GABRA4: variants seen among roughly 807,000 people sequenced by gnomAD.
The protein encoded by GABRA4 is gamma-aminobutyric acid type A receptor subunit alpha4, also known as gamma-aminobutyric acid receptor subunit alpha-4.
In GABRA4, 12 loss-of-function variants were observed where a neutral mutation model predicts 49.7. The observed-to-expected ratio is 0.24, with a 90% CI of 0.15 to 0.39. The LOEUF (loss-of-function observed/expected upper bound fraction) is 0.39, where lower values mean the gene tolerates loss of function less well. Among genes scored for constraint, GABRA4 ranks in the 10% least tolerant of loss-of-function variants. The pLI, the probability that GABRA4 is intolerant of heterozygous loss-of-function variation, is 1.00. For missense variants in GABRA4, 506 were observed against 686.0 expected (o/e 0.74, Z 2.93); for synonymous variants, 288 against 240.2 (o/e 1.20, Z -1.84).
At chr4:46,973,729 T>C (rs1723036754) in intron 6 of GABRA4, among the ~76,000 whole-genome samples, 1 of 151,766 alleles carries the variant, frequency 6.6e-6, no homozygotes, top group Non-Finnish European at 1.5e-5. Flanking sequence ...GAATCATAAA[T>C]AATAAACATC....
Position 46,928,553 on chromosome 4 carries a change from G to T in GABRA4, c.1337C>A (p.Ser446Tyr). 6.2e-7 allele frequency: 1 copy of T among 1,613,716 alleles called. No homozygotes were observed. The highest frequency in any genetic ancestry group is 8.5e-7 in the Non-Finnish European group (1 of 1,179,762). The stretch of plus-strand genomic sequence containing the variant: ...AGCAGATGGAAGTGCTCTTGCTGCA[G>T]ATATGGTTTCAGCTGCATTTGCACG... ...FSRANAAETISAARALPSASP... is the reference protein window; with the variant it reads ...FSRANAAETIYAARALPSASP... The change falls in exon 9 of 9, where the codon TCT becomes TAT. Residue 446 changes from serine to tyrosine, a missense_variant. Physicochemically the swap from Ser to Tyr is moderately radical, Grantham distance 144. This residue lies in a region of GABRA4 where 243 missense variants were observed against 210.8 expected (regional missense o/e 1.15). Transcript: ENST00000264318.
chr4:46,970,500 T>C (rs1722912478), intron 7 of GABRA4, among the ~76,000 whole-genome samples: 1 of 151,510 alleles, frequency 6.6e-6, no homozygotes, highest in African/African-American at 2.4e-5. Flanking sequence ...CTTTATATTG[T>C]TCAGAATACT....
rs1722931316 is a variant in GABRA4 at position 46,970,947 on chromosome 4, T to C, written c.874+136A>G. On this transcript the variant is annotated intron_variant, in intron 7 of 8. Coordinates refer to ENST00000264318, the MANE Select transcript of GABRA4 (RefSeq NM_000809.4). ...GCTTTATTACTTTGTACTGGCTAGATAAAAATGAAAGCCATGTGATTCCTT... is the reference window on the plus strand; with the variant it reads ...GCTTTATTACTTTGTACTGGCTAGACAAAAATGAAAGCCATGTGATTCCTT... 3 of 785,288 alleles carry C rather than the reference T, an allele frequency of 3.8e-6. No individual in the cohort carries two copies. In the Admixed American group the frequency reaches 9.0e-5, roughly 24 times the overall value. 48.6% of individuals were successfully genotyped at this position (785,288 alleles called of 1,614,324 possible).
At chr4:46,975,740 A>G (rs1723120300) in intron 5 of GABRA4, among the ~76,000 whole-genome samples, 2 of 151,884 alleles carry the variant, frequency 1.3e-5, no homozygotes, top group Admixed American at 1.3e-4. Context: ...GGGGAGTGAA[A>G]AGGACTTCCT....
In GABRA4 at chr4:46,977,586, T is replaced by C; in HGVS notation, c.318A>G (p.Lys106=). The C allele has an allele frequency of 6.2e-7, 1 of 1,613,086 alleles. No individual in the cohort carries two copies. Among genetic ancestry groups the C allele is most frequent in the Non-Finnish European group, 8.5e-7 (1 of 1,179,414 alleles). ...DVFFRQTWID[K]RLKYDGPIEI... ...CAATGGGGCCGTCATATTTTAATCT[T>C]TTGTCAATCCATGTCTGCCTGAAGA... The change falls in exon 4 of 9, where the codon AAA becomes AAG. Residue 106 remains lysine, a synonymous_variant. Transcript: ENST00000264318.
intron 8 of GABRA4, among the ~76,000 whole-genome samples, chr4:46,932,463 C>T (rs958710758): frequency 6.6e-6 from 1 of 151,904 alleles, no homozygotes; most frequent in Non-Finnish European, 1.5e-5. Flanking sequence ...GTCAAGTACT[C>T]ATAGTAGTAT....
chr4:46,973,937 G>C (rs1723043711), intron 6 of GABRA4, among the ~76,000 whole-genome samples: 1 of 151,704 alleles, frequency 6.6e-6, no homozygotes, highest in Non-Finnish European at 1.5e-5. Flanking sequence ...AACAAGATCA[G>C]ACTTCCTACC....
intron 8 of GABRA4, among the ~76,000 whole-genome samples, chr4:46,964,245 G>C (rs1183932455): frequency 6.6e-6 from 1 of 151,830 alleles, no homozygotes; most frequent in African/African-American, 2.4e-5. Flanking sequence ...AGGGTAAAAT[G>C]ATGGTTACCA....
intron 8 of GABRA4, among the ~76,000 whole-genome samples, chr4:46,962,431 GA>G (rs1722611414): frequency 6.6e-6 from 1 of 151,628 alleles, no homozygotes; most frequent in Non-Finnish European, 1.5e-5. Context: ...ATGAAAATTA[GA>G]AAACACTGAT....
chr4:46,969,522 G>A (rs1457341463), intron 7 of GABRA4, among the ~76,000 whole-genome samples: 1 of 151,464 alleles, frequency 6.6e-6, no homozygotes. Context: ...GCATCCAATA[G>A]TACAACACTA....
intron 8 of GABRA4, among the ~76,000 whole-genome samples, chr4:46,937,512 T>G (rs1352785200): frequency 6.6e-6 from 1 of 152,212 alleles, no homozygotes; most frequent in Non-Finnish European, 1.5e-5. Flanking sequence ...GTCTCTTCTG[T>G]TGTGCCTTCT....
rs992713297 is a variant in GABRA4, at chr4:46,980,446, A to G, written c.206-1348T>C. On this transcript the variant is annotated intron_variant, in intron 2 of 8. Coordinates refer to ENST00000264318, the MANE Select transcript of GABRA4 (RefSeq NM_000809.4). ...TAGCTCCAAAGTTATCTTCATAAAA[A>G]TGAATCTGAATATTTCTTCTTCTAA... Among the ~76,000 whole-genome samples, 21 of 152,004 alleles carry G rather than the reference A, an allele frequency of 1.4e-4. 1 individual carries two copies. Among genetic ancestry groups the G allele is most frequent in the South Asian group, 1.2e-3 (6 of 4,826 alleles).
At chr4:46,963,294 G>A (rs923502008) in intron 8 of GABRA4, among the ~76,000 whole-genome samples, 5 of 151,728 alleles carry the variant, frequency 3.3e-5, no homozygotes, top group Non-Finnish European at 7.4e-5. Flanking sequence ...AATTTGAATA[G>A]ATAATAAGAT....
intron 3 of GABRA4, among the ~76,000 whole-genome samples, chr4:46,978,580 G>GGGAGGTTGAGGCAAGAGAATCACTT (rs1723230056): frequency 6.6e-6 from 1 of 150,656 alleles, no homozygotes; most frequent in Non-Finnish European, 1.5e-5. Context: ...CCAGCTACTT[G>GGGAGGTTGAGGCAAGAGAATCACTT]GGAGGTTGAG....
At chr4:46,928,912 A>T (rs565477308) in intron 8 of GABRA4, among the ~76,000 whole-genome samples, 157 bp from the exon 9 acceptor site, 1 of 152,238 alleles carries the variant, frequency 6.6e-6, no homozygotes, top group South Asian at 2.1e-4. Flanking sequence ...TTTAAAATAC[A>T]TAACTAAAAT....
At chr4:46,972,330 G>A (rs555966404) in intron 6 of GABRA4, among the ~76,000 whole-genome samples, 1 of 151,726 alleles carries the variant, frequency 6.6e-6, no homozygotes, top group African/African-American at 2.4e-5. Context: ...AGTTTTAATA[G>A]AAGAGACAGT....
intron 3 of GABRA4, 54 bp from the exon 4 acceptor site, chr4:46,977,684 T>A: frequency 1.6e-6 from 2 of 1,228,786 alleles, no homozygotes; most frequent in Non-Finnish European, 2.3e-6. Context: ...CACATAAGTA[T>A]GTGAAAATAA....
intron 8 of GABRA4, among the ~76,000 whole-genome samples, chr4:46,959,564 T>A (rs981079083): frequency 1.3e-5 from 2 of 151,790 alleles, no homozygotes; most frequent in African/African-American, 4.8e-5. Context: ...GCCAATGGAA[T>A]GAGCTCAACC....
rs767893123 is a variant in GABRA4, at chr4:46,928,178, C to G, written c.*47G>C. ...TTATATTTAAAAACATTTAAAAAGACATTCTGCATTTTCATCATCTTTTAG... is the reference window on the plus strand; with the variant it reads ...TTATATTTAAAAACATTTAAAAAGAGATTCTGCATTTTCATCATCTTTTAG... On this transcript the variant is annotated 3_prime_UTR_variant, in exon 9 of 9. Coordinates refer to ENST00000264318, the MANE Select transcript of GABRA4 (RefSeq NM_000809.4). The G allele has an allele frequency of 7.2e-7, 1 of 1,397,444 alleles. No individual in the cohort carries two copies. Among genetic ancestry groups the G allele is most frequent in the South Asian group, 1.4e-5 (1 of 69,502 alleles). The allele number at this position is 1,397,444 out of a possible 1,614,324, so 86.6% of individuals were successfully genotyped here.
Sources: allele counts gnomAD v4.1 joint callset (sites outside exome capture counted in the v4.1 genomes callset), GRCh38; gene constraint gnomAD v4.1.1; regional missense constraint gnomAD v4.1.1; transcripts MANE v1.5; gene names NCBI Gene and HGNC (gene_info 2026-07-23, HGNC 2026-07-21).